The following WDFY2 variants were observed in gnomAD, a reference collection of about 807,000 sequenced individuals.
The protein encoded by WDFY2 is WD repeat and FYVE domain-containing protein 2.
Under a neutral mutation model 56.4 loss-of-function variants are expected in WDFY2, and 36 were observed. The ratio of observed to expected loss-of-function variants is 0.64; its 90% CI spans 0.49 to 0.84. The LOEUF (loss-of-function observed/expected upper bound fraction) is 0.84, where lower values mean the gene tolerates loss of function less well. Ranked by LOEUF, WDFY2 falls within the 40% of genes least tolerant of loss-of-function variation. The pLI, the probability that WDFY2 is intolerant of heterozygous loss-of-function variation, is 0.00. For missense variants in WDFY2, 444 were observed against 512.2 expected (o/e 0.87, Z 1.29); for synonymous variants, 176 against 183.7 (o/e 0.96, Z 0.34).
At chr13:51,635,855 T>C (rs2138390834) in intron 1 of WDFY2, among the ~76,000 whole-genome samples, 1 of 152,346 alleles carries the variant, frequency 6.6e-6, no homozygotes, top group East Asian at 1.9e-4. Flanking sequence ...TTATTTAATT[T>C]TTTCAACTAA....
intron 4 of WDFY2, among the ~76,000 whole-genome samples, chr13:51,710,107 T>C (rs561203400): frequency 6.6e-6 from 1 of 152,186 alleles, no homozygotes; most frequent in Non-Finnish European, 1.5e-5. Flanking sequence ...GTAGGCTTCA[T>C]CCCTGGGATG....
At chr13:51,618,273 C>T (rs1954658425) in intron 1 of WDFY2, among the ~76,000 whole-genome samples, 1 of 152,194 alleles carries the variant, frequency 6.6e-6, no homozygotes, top group South Asian at 2.1e-4. Context: ...TATGACATAC[C>T]TTGTTAGAAG....
intron 3 of WDFY2, among the ~76,000 whole-genome samples, chr13:51,701,025 A>G (rs1467721516): frequency 2.0e-5 from 3 of 152,232 alleles, no homozygotes; most frequent in African/African-American, 7.2e-5. Flanking sequence ...GAAGTTGATG[A>G]GTATGTACTC....
intron 1 of WDFY2, chr13:51,599,083 A>AT (rs1440564513): frequency 1.3e-5 from 2 of 151,932 alleles, no homozygotes; most frequent in African/African-American, 4.8e-5. Flanking sequence ...TAATTTTTGT[A>AT]TTTTTAGTAG....
At chr13:51,607,022 AT>A (rs1410295562) in intron 1 of WDFY2, among the ~76,000 whole-genome samples, 3 of 152,192 alleles carry the variant, frequency 2.0e-5, no homozygotes, top group African/African-American at 4.8e-5. Flanking sequence ...ATAAACAAAA[AT>A]AACCTCTAGC....
chr13:51,589,988 G>C (rs1593845436), intron 1 of WDFY2: 1 of 152,142 alleles, frequency 6.6e-6, no homozygotes, highest in East Asian at 1.9e-4. Context: ...GAAATAGACT[G>C]ACTTTTTAAG....
At chr13:51,687,045 T>TTA (rs749503242) in intron 3 of WDFY2, among the ~76,000 whole-genome samples, 227 of 148,998 alleles carry the variant, frequency 1.5e-3, no homozygotes, top group African/African-American at 2.0e-3. Context: ...TCACACTTAT[T>TTA]TATATATATA....
intron 4 of WDFY2, among the ~76,000 whole-genome samples, chr13:51,710,005 T>C (rs1205457391): frequency 6.6e-6 from 1 of 152,144 alleles, no homozygotes; most frequent in African/African-American, 2.4e-5. Flanking sequence ...TTTAGACCAA[T>C]ATCCCTGATG....
At chr13:51,676,527 G>A (rs761519242) in intron 3 of WDFY2, among the ~76,000 whole-genome samples, 87 of 152,220 alleles carry the variant, frequency 5.7e-4, no homozygotes, top group Non-Finnish European at 1.1e-3. Context: ...AACATGGAAT[G>A]TGGGCCTCCA....
In WDFY2 at chr13:51,752,019, C is replaced by T. The variant is rs75034054; in HGVS notation, c.831+604C>T. Among the ~76,000 whole-genome samples the T allele has an allele frequency of 4.9e-3, 752 of 152,278 alleles. 5 individuals are homozygous for T. The highest frequency in any genetic ancestry group is 0.014 in the African/African-American group (591 of 41,558). Reference sequence around the variant, plus strand: ...CTTTTGACAAGTACTTTGAAGTTAACCATTTTCCAATTACGTTAGAATTAT... The same window carrying T: ...CTTTTGACAAGTACTTTGAAGTTAATCATTTTCCAATTACGTTAGAATTAT... On this transcript the variant is annotated intron_variant, in intron 8 of 11. Coordinates refer to ENST00000298125, the MANE Select transcript of WDFY2 (RefSeq NM_052950.4).
At chr13:51,643,190 AT>A (rs1955204473) in intron 1 of WDFY2, among the ~76,000 whole-genome samples, 1 of 152,092 alleles carries the variant, frequency 6.6e-6, no homozygotes, top group Non-Finnish European at 1.5e-5. Context: ...CATTTCCAGA[AT>A]TTTTTCATCA....
Position 51,726,510 on chromosome 13 carries a change from T to A in WDFY2, c.486-1168T>A, listed in dbSNP as rs532377533. 3.3e-5 allele frequency among the ~76,000 whole-genome samples: 5 copies of A among 152,332 alleles called. No individual in the cohort carries two copies. The East Asian group carries it at 9.6e-4, about 29-fold the overall frequency. ...TCAACCAGAGAAGCTTGTTAGAGAC[T>A]CCATGCCTAGGGCTTTTACTGGTCA... On this transcript the variant is annotated intron_variant, in intron 5 of 11. Transcript: ENST00000298125.
At chr13:51,634,525 G>A (rs1955009865) in intron 1 of WDFY2, among the ~76,000 whole-genome samples, 1 of 152,108 alleles carries the variant, frequency 6.6e-6, no homozygotes, top group African/African-American at 2.4e-5. Context: ...GATTGGAAAA[G>A]GCAGCCAGGT....
At chr13:51,652,425 G>A (rs1291832862) in intron 1 of WDFY2, among the ~76,000 whole-genome samples, 1 of 151,580 alleles carries the variant, frequency 6.6e-6, no homozygotes, top group African/African-American at 2.4e-5. Context: ...ATATTGTTAT[G>A]TGTGAATTTG....
At chr13:51,756,486 C>T (rs530040750) in intron 10 of WDFY2, 24 bp downstream of exon 10, 13 of 1,607,156 alleles carry the variant, frequency 8.1e-6, no homozygotes, top group Admixed American at 1.7e-5. Flanking sequence ...GCCTGCAGAC[C>T]GCTTCAGGTT....
At chr13:51,600,688 G>T (rs1020004131) in intron 1 of WDFY2, among the ~76,000 whole-genome samples, 2 of 152,158 alleles carry the variant, frequency 1.3e-5, no homozygotes, top group African/African-American at 4.8e-5. Context: ...AATCCCCACT[G>T]CAGTCTGTGG....
chr13:51,596,524 G>A (rs1486985490), intron 1 of WDFY2, among the ~76,000 whole-genome samples: 1 of 152,226 alleles, frequency 6.6e-6, no homozygotes, highest in Non-Finnish European at 1.5e-5. Context: ...ATGAGATTCA[G>A]AAAATATGAT....
At chr13:51,680,508 G>C (rs1231012127) in intron 3 of WDFY2, among the ~76,000 whole-genome samples, 1 of 152,156 alleles carries the variant, frequency 6.6e-6, no homozygotes, top group Non-Finnish European at 1.5e-5. Flanking sequence ...TCCCAAATAA[G>C]GATGTGTTCT....
intron 4 of WDFY2, among the ~76,000 whole-genome samples, chr13:51,718,290 T>C (rs576919493): frequency 6.6e-6 from 1 of 152,262 alleles, no homozygotes; most frequent in East Asian, 1.9e-4. Flanking sequence ...GTTCAGTGAC[T>C]GCAGATGCCC....
Sources: allele counts gnomAD v4.1 joint callset (sites outside exome capture counted in the v4.1 genomes callset), GRCh38; gene constraint gnomAD v4.1.1; transcripts MANE v1.5; gene names NCBI Gene and HGNC (gene_info 2026-07-23, HGNC 2026-07-21).